RNF38: variants seen among roughly 807,000 people sequenced by gnomAD.
RNF38 encodes E3 ubiquitin-protein ligase RNF38.
RNF38 carries 15 observed loss-of-function variants against 67.2 expected under a neutral mutation model. The observed-to-expected ratio is 0.22, with a 90% CI of 0.15 to 0.34. RNF38 has a LOEUF of 0.34. Ranked by LOEUF, RNF38 falls within the 10% of genes least tolerant of loss-of-function variation. The probability of loss-of-function intolerance (pLI) is 1.00; values close to 1 mark genes in which losing one functional copy is unlikely to be tolerated. For synonymous variants in RNF38, 220 were observed against 218.8 expected (o/e 1.01, Z -0.05); for missense variants, 524 against 639.9 (o/e 0.82, Z 1.95).
At chr9:36,421,183 G>A (rs1174699620) in intron 2 of RNF38, among the ~76,000 whole-genome samples, 1 of 152,180 alleles carries the variant, frequency 6.6e-6, no homozygotes, top group African/African-American at 2.4e-5. Context: ...CACCATGCCT[G>A]AAAGATAGGC....
chr9:36,380,728 A>T (rs1010165629), intron 2 of RNF38, among the ~76,000 whole-genome samples: 2 of 152,140 alleles, frequency 1.3e-5, no homozygotes, highest in African/African-American at 4.8e-5. Flanking sequence ...TCCTGGGCTC[A>T]AGCAATCCTT....
At chr9:36,457,560 C>T (rs2381522) in intron 1 of RNF38, among the ~76,000 whole-genome samples, 151,911 of 152,300 alleles carry the variant, frequency 1, 75,763 homozygotes, top group Middle Eastern at 1. Flanking sequence ...ACAAACTTTA[C>T]GGTTGAAGAT....
rs527303435 is a variant in RNF38, at chr9:36,469,387, C to T, written n.241+17921G>A. Among the ~76,000 whole-genome samples the T allele has an allele frequency of 8.5e-5, 13 of 152,066 alleles. No individual in the cohort carries two copies. In the East Asian group the frequency reaches 1.7e-3, roughly 20 times the overall value. ...GAAAATAATGTTCAAGGGCCAGGCA[C>T]AGTGGCTCACACCTATAATCCCAGC... is the stretch of plus-strand genomic sequence containing the variant. On this transcript the variant is annotated intron_variant and non_coding_transcript_variant, in intron 1 of 3. Transcript: ENST00000488058.
chr9:36,395,327 CTT>C (rs940870729), intron 1 of RNF38, among the ~76,000 whole-genome samples: 16 of 145,640 alleles, frequency 1.1e-4, no homozygotes, highest in African/African-American at 3.8e-4. Context: ...CGTTCATTTC[CTT>C]TTTTTTTTTT....
At chr9:36,436,515 G>A (rs746646753) in intron 1 of RNF38, among the ~76,000 whole-genome samples, 4 of 152,090 alleles carry the variant, frequency 2.6e-5, no homozygotes, top group African/African-American at 9.6e-5. Context: ...ACTTACAGAC[G>A]CAATAGTAAG....
rs747168104 is a variant in RNF38 at position 36,353,155 on chromosome 9, T to C, written c.1071+15A>G. ...CCAAAGCAAGTAATTAACATAGTAC[T>C]CTGTGAAAACTTACTACTCCAAAGG... On this transcript the variant is annotated intron_variant, in intron 7 of 11. Transcript: ENST00000259605. 2 of 1,608,994 alleles carry C rather than the reference T, an allele frequency of 1.2e-6. No individual in the cohort carries two copies. The highest frequency in any genetic ancestry group is 4.5e-5 in the East Asian group (2 of 44,844).
chr9:36,374,442 A>C (rs1424439616), intron 3 of RNF38, among the ~76,000 whole-genome samples: 1 of 152,148 alleles, frequency 6.6e-6, no homozygotes, highest in African/African-American at 2.4e-5. Flanking sequence ...AGACAACTAC[A>C]TCTCACTGTC....
chr9:36,462,677 A>ATTTT (rs34327659), intron 1 of RNF38, among the ~76,000 whole-genome samples: 3 of 144,162 alleles, frequency 2.1e-5, no homozygotes, highest in Admixed American at 1.4e-4. Context: ...CAACTGATTG[A>ATTTT]TTTTTTTTTT....
chr9:36,375,302 T>G (rs1387978306), intron 3 of RNF38, among the ~76,000 whole-genome samples: 2 of 151,856 alleles, frequency 1.3e-5, no homozygotes, highest in African/African-American at 2.4e-5. Flanking sequence ...GCTCAAGCAA[T>G]CCTCCTGTCT....
chr9:36,467,972 G>A (rs897014333), intron 1 of RNF38, among the ~76,000 whole-genome samples: 2 of 152,238 alleles, frequency 1.3e-5, no homozygotes, highest in Admixed American at 1.3e-4. Flanking sequence ...CTGAGCAACA[G>A]TGGCTCACAC....
intron 3 of RNF38, among the ~76,000 whole-genome samples, chr9:36,370,880 G>A (rs1835327204): frequency 1.3e-5 from 2 of 152,024 alleles, no homozygotes; most frequent in Admixed American, 1.3e-4. Flanking sequence ...CTGCACTCCA[G>A]CCTGGGCGAC....
Position 36,454,421 on chromosome 9 carries a change from G to A in RNF38, n.242-29738C>T, listed in dbSNP as rs555706344. Reference sequence around the variant, plus strand: ...TGGGGTTACAGGCATGAACCACCACGCCCAGCCTCTATCATACATTTTTAT... The same window carrying A: ...TGGGGTTACAGGCATGAACCACCACACCCAGCCTCTATCATACATTTTTAT... On this transcript the variant is annotated intron_variant and non_coding_transcript_variant, in intron 1 of 3. Transcript: ENST00000488058. Among the ~76,000 whole-genome samples the A allele has an allele frequency of 3.2e-3, 478 of 151,196 alleles. 2 individuals carry two copies. The highest frequency in any genetic ancestry group is 0.01 in the Middle Eastern group (3 of 290).
intron 7 of RNF38, 82 bp from the exon 8 acceptor site, chr9:36,352,930 G>T: frequency 9.9e-7 from 1 of 1,014,226 alleles, no homozygotes; most frequent in Non-Finnish European, 1.5e-6. Flanking sequence ...ATTAAAAAAA[G>T]ACTTAAACAG....
intron 1 of RNF38, among the ~76,000 whole-genome samples, chr9:36,391,909 G>A (rs956081188): frequency 5.3e-5 from 8 of 152,158 alleles, no homozygotes; most frequent in East Asian, 1.9e-4. Flanking sequence ...CACTGCGCCC[G>A]GCCCGTTTCC....
chr9:36,463,054 G>A (rs1440885662), intron 1 of RNF38, among the ~76,000 whole-genome samples: 2 of 151,966 alleles, frequency 1.3e-5, no homozygotes, highest in African/African-American at 4.8e-5. Flanking sequence ...CATAGGCAGA[G>A]CAGCCTGGTC....
rs1237796184 is a variant in RNF38, at chr9:36,428,420, A to G, written n.242-3737T>C. ...AGAGCAAGACCCTGTCTCAAAAAAA[A>G]AAAAGGATAAAACTGTAGTACAACT... On this transcript the variant is annotated intron_variant and non_coding_transcript_variant, in intron 1 of 3. Transcript: ENST00000488058. Among the ~76,000 whole-genome samples the G allele has an allele frequency of 2.0e-5, 3 of 150,284 alleles. No individual in the cohort carries two copies. The East Asian group carries it at 5.9e-4, about 29-fold the overall frequency.
rs117301940 is a variant in RNF38, at chr9:36,338,287, G to A, written c.*1465C>T. 3.3e-5 allele frequency: 5 copies of A among 152,158 alleles called. No homozygotes were observed. Among genetic ancestry groups the A allele is most frequent in the Non-Finnish European group, 7.4e-5 (5 of 67,982 alleles). 9.4% of individuals were successfully genotyped at this position (152,158 alleles called of 1,614,324 possible). ...CTATGTATTACATCAACTAAATGAA[G>A]GTCAACTCCTGTTTAACAGCATTAT... On this transcript the variant is annotated 3_prime_UTR_variant, in exon 12 of 12. Transcript: ENST00000259605.
intron 1 of RNF38, among the ~76,000 whole-genome samples, chr9:36,481,108 G>C (rs1242984535): frequency 6.7e-6 from 1 of 149,844 alleles, no homozygotes; most frequent in Non-Finnish European, 1.5e-5. Flanking sequence ...TCCGCCTCCT[G>C]GGTTCAAGCG....
chr9:36,484,157 G>C (rs770892481), intron 1 of RNF38, among the ~76,000 whole-genome samples: 23 of 152,034 alleles, frequency 1.5e-4, no homozygotes, highest in Admixed American at 9.2e-4. Flanking sequence ...CAGATGTCTG[G>C]GTCCCTCCCT....
Sources: allele counts gnomAD v4.1 joint callset (sites outside exome capture counted in the v4.1 genomes callset), GRCh38; gene constraint gnomAD v4.1.1; transcripts MANE v1.5; gene names NCBI Gene and HGNC (gene_info 2026-07-23, HGNC 2026-07-21).